The following PEAK1 variants were observed in gnomAD, a reference collection of about 807,000 sequenced individuals.
The protein encoded by PEAK1 is inactive tyrosine-protein kinase PEAK1.
A neutral mutation model predicts 124.7 loss-of-function variants in PEAK1; 54 were observed. That is an observed-to-expected ratio of 0.43 (90% CI 0.35 to 0.54). The LOEUF (loss-of-function observed/expected upper bound fraction) is 0.54. Ranked by LOEUF, PEAK1 falls within the 20% of genes least tolerant of loss-of-function variation. The pLI is 0.01. For synonymous variants in PEAK1, 719 were observed against 760.0 expected (o/e 0.95, Z 0.89); for missense variants, 2,046 against 2,134.5 (o/e 0.96, Z 0.82).
chr15:77,239,790 C>G (rs2060275891), intron 6 of PEAK1: 1 of 959,780 alleles, frequency 1.0e-6, no homozygotes, highest in African/African-American at 1.8e-5. Context: ...ACCTCCTGGG[C>G]TCTTTTAACA....
intron 6 of PEAK1, among the ~76,000 whole-genome samples, chr15:77,250,202 C>T (rs538795044): frequency 1.9e-5 from 2 of 104,424 alleles, no homozygotes; most frequent in East Asian, 2.2e-4. Flanking sequence ...CATATATATA[C>T]ATATATATGT....
exon 7 of PEAK1, chr15:77,101,385 T>A (rs547493265): frequency 6.6e-6 from 1 of 152,350 alleles, no homozygotes; most frequent in East Asian, 1.9e-4. Context: ...GAATTCACAG[T>A]ATCTTTGTTC....
intron 2 of PEAK1, among the ~76,000 whole-genome samples, chr15:77,323,090 T>G (rs2065337868): frequency 6.6e-6 from 1 of 152,094 alleles, no homozygotes; most frequent in African/African-American, 2.4e-5. Flanking sequence ...ACAACCTTCA[T>G]GCTAAAAACT....
intron 1 of PEAK1, among the ~76,000 whole-genome samples, chr15:77,416,346 CTAAA>C (rs1334549133): frequency 4.6e-5 from 7 of 152,190 alleles, no homozygotes; most frequent in Non-Finnish European, 1.5e-5. Flanking sequence ...ATTCTATAAT[CTAAA>C]TAGATTTATC....
intron 1 of PEAK1, among the ~76,000 whole-genome samples, chr15:77,386,488 C>A (rs1195872293): frequency 6.6e-6 from 1 of 152,056 alleles, no homozygotes; most frequent in Non-Finnish European, 1.5e-5. Context: ...CACTTAATTA[C>A]AATCAGAGGG....
At chr15:77,234,405 T>C (rs2060028108) in intron 6 of PEAK1, among the ~76,000 whole-genome samples, 1 of 152,202 alleles carries the variant, frequency 6.6e-6, no homozygotes, top group African/African-American at 2.4e-5. Flanking sequence ...ATTTTGTCAT[T>C]CGTTTTAAAA....
chr15:77,131,856 T>A (rs530380751), intron 9 of PEAK1, among the ~76,000 whole-genome samples: 2 of 151,852 alleles, frequency 1.3e-5, no homozygotes, highest in East Asian at 3.9e-4. Flanking sequence ...GGTGGGAGGA[T>A]CACTGGAAGC....
rs751986893 is a variant in PEAK1 at position 77,179,345 on chromosome 15, C to T, written c.2582G>A (p.Ser861Asn). Residue 861 changes from serine to asparagine, a missense_variant, in exon 7 of 10, where the codon AGC becomes AAC. By Grantham distance (46) the Ser-to-Asn change is conservative (BLOSUM62 1). Coordinates refer to ENST00000682557, the MANE Select transcript of PEAK1 (RefSeq NM_001385026.1). ...VTPSPSKLVTSPQSEPPAPFP... is the reference protein window; with the variant it reads ...VTPSPSKLVTNPQSEPPAPFP... ...GGGAGCTGGTGGCTCACTTTGGGGG[C>T]TAGTCACTAATTTGGAGGGAGAGGG... The T allele has an allele frequency of 1.9e-6, 3 of 1,613,756 alleles. No homozygotes were observed. Among genetic ancestry groups the T allele is most frequent in the Admixed American group, 1.7e-5 (1 of 59,954 alleles).
rs762811935 is a variant in PEAK1 at position 77,181,754 on chromosome 15, G to A, written c.173C>T (p.Thr58Met). The A allele has an allele frequency of 2.9e-5, 46 of 1,613,984 alleles. No homozygotes were observed. Among genetic ancestry groups the A allele is most frequent in the South Asian group, 4.4e-5 (4 of 91,078 alleles). ...NHSNNHRIRN[T>M]GNFRPPVAKK... The stretch of plus-strand genomic sequence containing the variant: ...AGCCACAGGAGGCCGGAAATTGCCC[G>A]TGTTCCTGATGCGGTGGTTGTTACT... The change falls in exon 7 of 10, where the codon ACG (threonine) becomes ATG (methionine). Residue 58 changes from threonine to methionine, a missense_variant. Transcript: ENST00000682557.
chr15:77,376,358 T>C lies in PEAK1; in HGVS notation c.-665-11133A>G, dbSNP rs573596187. Among the ~76,000 whole-genome samples the C allele has an allele frequency of 2.6e-5, 4 of 152,132 alleles. No homozygotes were observed. The South Asian group carries it at 6.2e-4, about 24-fold the overall frequency. On this transcript the variant is annotated intron_variant, in intron 1 of 9. Transcript: ENST00000682557. ...AGTTCCTTCTCACATAAATACTACC[T>C]GCTCTATATTTCCCAGGAAGTTGGT...
Position 77,255,882 on chromosome 15 carries a change from T to C in PEAK1, c.-274-3356A>G, listed in dbSNP as rs546495053. Reference sequence around the variant, plus strand: ...GACCAGTATGCTAAGGCACATCAGGTAGAATAAAGAAAATATGCTTTGAAA... The same window carrying C: ...GACCAGTATGCTAAGGCACATCAGGCAGAATAAAGAAAATATGCTTTGAAA... On this transcript the variant is annotated intron_variant, in intron 5 of 9. Transcript: ENST00000682557. Among the ~76,000 whole-genome samples the C allele has an allele frequency of 1.3e-5, 2 of 152,058 alleles. 1 individual carries two copies. Among genetic ancestry groups the C allele is most frequent in the Non-Finnish European group, 2.9e-5 (2 of 68,000 alleles).
In PEAK1 at chr15:77,114,449, G is replaced by C. The variant is rs751402215; in HGVS notation, c.4948C>G (p.Pro1650Ala). 7.4e-6 allele frequency: 12 copies of C among 1,613,994 alleles called. No individual in the cohort carries two copies. In the Admixed American group the frequency reaches 8.3e-5, roughly 11 times the overall value. The change falls in exon 10 of 10, where the codon CCT becomes GCT. Residue 1650 changes from proline (P) to alanine (A), a missense_variant. Transcript: ENST00000682557. ...QLASCLLNPNPSERILISDAK... is the reference protein window; with the variant it reads ...QLASCLLNPNASERILISDAK... ...TCTGAAATGAGGATCCGCTCAGAAGGGTTGGGATTCAGGAGGCAGCTGGCC... is the reference window on the plus strand; with the variant it reads ...TCTGAAATGAGGATCCGCTCAGAAGCGTTGGGATTCAGGAGGCAGCTGGCC...
chr15:77,116,436 C>G (rs991227107), intron 9 of PEAK1, among the ~76,000 whole-genome samples: 1 of 151,540 alleles, frequency 6.6e-6, no homozygotes, highest in South Asian at 2.1e-4. Context: ...TACAGAAAAG[C>G]AAAACTTAAA....
At chr15:77,168,837 C>T (rs1483348328) in intron 7 of PEAK1, among the ~76,000 whole-genome samples, 2 of 152,272 alleles carry the variant, frequency 1.3e-5, no homozygotes, top group Admixed American at 6.5e-5. Context: ...CCCAGCTGTG[C>T]TAGACATAGT....
chr15:77,179,419 G>A lies in PEAK1; in HGVS notation c.2508C>T (p.Asp836=), dbSNP rs56388121. The A allele has an allele frequency of 6.2e-7, 1 of 1,614,186 alleles. No homozygotes were observed. Residue 836 remains aspartate, a synonymous_variant, in exon 7 of 10, where the codon GAC becomes GAT. Transcript: ENST00000682557. ...SGEAEAPQTT[D]SPTTKVQKDP... ...CTTTCTGTACTTTGGTGGTAGGACT[G>A]TCTGTGGTCTGAGGTGCTTCAGCCT...
chr15:77,310,087 G>A (rs1042609656), intron 2 of PEAK1, among the ~76,000 whole-genome samples: 6 of 152,154 alleles, frequency 3.9e-5, no homozygotes, highest in African/African-American at 1.4e-4. Context: ...AATCTCTTAT[G>A]TATGGGTGGT....
chr15:77,204,925 G>T, intron 6 of PEAK1: 1 of 185,520 alleles, frequency 5.4e-6, no homozygotes, highest in South Asian at 9.8e-5. Context: ...AGCAGGAAAG[G>T]ACAAATCTTC....
Position 77,181,115 on chromosome 15 carries a change from C to T in PEAK1, c.812G>A (p.Arg271His), listed in dbSNP as rs777205290. The T allele has an allele frequency of 4.3e-6, 7 of 1,614,074 alleles. No individual in the cohort carries two copies. The highest frequency in any genetic ancestry group is 1.3e-5 in the African/African-American group (1 of 74,920). ...TGTGTTTGCTCTGAAGTTGGCAAAG[C>T]GAGGTTGCCCTCTCATGCGAATCTC... is the stretch of plus-strand genomic sequence containing the variant. ...AMEIRMRGQP[R>H]FANFRANTLS... The change falls in exon 7 of 10, where the codon CGC becomes CAC. Residue 271 changes from arginine (R) to histidine (H), a missense_variant. Transcript: ENST00000682557.
chr15:77,176,301 CAAAT>C (rs1391771330), intron 7 of PEAK1, among the ~76,000 whole-genome samples: 4 of 135,748 alleles, frequency 2.9e-5, no homozygotes, highest in Non-Finnish European at 4.9e-5. Flanking sequence ...AAAATGCTAA[CAAAT>C]AAAGTTTTAC....
Sources: gnomAD v4.1 joint callset for allele counts (sites outside exome capture counted in the v4.1 genomes callset) on GRCh38, gnomAD v4.1.1 for gene constraint, MANE v1.5 for transcripts, NCBI Gene and HGNC (gene_info 2026-07-23, HGNC 2026-07-21) for gene names.